MRPS28: variants seen among roughly 807,000 people sequenced by gnomAD.
The protein encoded by MRPS28 is mitochondrial ribosomal protein S28.
In MRPS28, 7 loss-of-function variants were observed where a neutral mutation model predicts 10.8. That is an observed-to-expected ratio of 0.65 (90% CI 0.37 to 1.22). The LOEUF is 1.22. MRPS28 is among the 50% of genes most tolerant of loss of function. The probability of loss-of-function intolerance (pLI) is 0.02; values close to 1 mark genes in which losing one functional copy is unlikely to be tolerated. For synonymous variants in MRPS28, 121 were observed against 93.3 expected (o/e 1.30, Z -1.71); for missense variants, 265 against 232.9 (o/e 1.14, Z -0.90).
intron 2 of MRPS28, among the ~76,000 whole-genome samples, chr8:79,949,432 C>CA (rs1166462216): frequency 1.3e-5 from 2 of 148,572 alleles, no homozygotes; most frequent in Non-Finnish European, 3.0e-5. Flanking sequence ...AAAAAAACAA[C>CA]AACAAAAAAA....
chr8:79,971,206 C>T (rs147209152), intron 2 of MRPS28, among the ~76,000 whole-genome samples: 404 of 152,184 alleles, frequency 2.7e-3, no homozygotes, highest in Non-Finnish European at 4.6e-3. Flanking sequence ...CTCTTTAAGA[C>T]CAACCAGACA....
chr8:79,998,116 T>C (rs956146692), intron 2 of MRPS28, among the ~76,000 whole-genome samples: 1 of 151,840 alleles, frequency 6.6e-6, no homozygotes, highest in Non-Finnish European at 1.5e-5. Context: ...TTGCTAAACA[T>C]ATACCTCAAC....
intron 2 of MRPS28, among the ~76,000 whole-genome samples, chr8:79,985,713 A>G (rs1316214991): frequency 1.3e-5 from 2 of 152,224 alleles, no homozygotes; most frequent in Non-Finnish European, 2.9e-5. Context: ...ACAACCTCCC[A>G]AGACTAAACC....
chr8:79,929,989 G>T (rs983391799), intron 2 of MRPS28, among the ~76,000 whole-genome samples: 1 of 152,144 alleles, frequency 6.6e-6, no homozygotes, highest in Non-Finnish European at 1.5e-5. Flanking sequence ...ACAAATTTAA[G>T]ATCTGATTAT....
At chr8:79,923,256 A>C (rs2129853811) in intron 2 of MRPS28, among the ~76,000 whole-genome samples, 1 of 152,334 alleles carries the variant, frequency 6.6e-6, no homozygotes, top group East Asian at 1.9e-4. Context: ...TACTGGCCTA[A>C]TGCCACACAG....
chr8:79,918,827 A>G lies in MRPS28; in HGVS notation c.*153T>C. On this transcript the variant is annotated 3_prime_UTR_variant, in exon 3 of 3. Transcript: ENST00000276585. Reference sequence around the variant, plus strand: ...GCAAAACAAGGGGTGGGGGGTGGGAATATTGCTAAAGAAAATTCTAATAAG... The same window carrying G: ...GCAAAACAAGGGGTGGGGGGTGGGAGTATTGCTAAAGAAAATTCTAATAAG... 2 of 433,388 alleles carry G rather than the reference A, an allele frequency of 4.6e-6. No homozygotes were observed. Among genetic ancestry groups the G allele is most frequent in the Non-Finnish European group, 7.6e-6 (2 of 263,854 alleles). 26.8% of individuals were successfully genotyped at this position (433,388 alleles called of 1,614,324 possible).
intron 1 of MRPS28, among the ~76,000 whole-genome samples, chr8:80,012,626 T>C (rs924054490): frequency 1.3e-5 from 2 of 152,102 alleles, no homozygotes; most frequent in African/African-American, 4.8e-5. Context: ...TAACTTGGAG[T>C]TGACTATTTC....
At chr8:79,959,124 C>T (rs139544781) in intron 2 of MRPS28, among the ~76,000 whole-genome samples, 3 of 152,100 alleles carry the variant, frequency 2.0e-5, no homozygotes, top group African/African-American at 4.8e-5. Context: ...ACAGGAATTA[C>T]GTTATTTTAA....
At chr8:79,964,454 A>G (rs1807453568) in intron 2 of MRPS28, among the ~76,000 whole-genome samples, 1 of 152,160 alleles carries the variant, frequency 6.6e-6, no homozygotes, top group South Asian at 2.1e-4. Flanking sequence ...AGAGCAAAGT[A>G]CAAGCTCAAT....
chr8:79,972,444 T>C (rs1019012275), intron 2 of MRPS28, among the ~76,000 whole-genome samples: 2 of 152,198 alleles, frequency 1.3e-5, no homozygotes, highest in Admixed American at 1.3e-4. Context: ...AATGCTGCTA[T>C]GAACATCTGT....
intron 2 of MRPS28, among the ~76,000 whole-genome samples, chr8:79,943,241 T>G (rs1380516781): frequency 6.6e-6 from 1 of 152,210 alleles, no homozygotes; most frequent in African/African-American, 2.4e-5. Context: ...GTACTGGCAA[T>G]GACTATGAAG....
At chr8:79,947,291 T>C (rs1416376533) in intron 2 of MRPS28, among the ~76,000 whole-genome samples, 1 of 152,238 alleles carries the variant, frequency 6.6e-6, no homozygotes, top group Non-Finnish European at 1.5e-5. Context: ...TGATCTATAG[T>C]GGCATCTTTC....
At chr8:79,938,628 C>T (rs1263292362) in intron 2 of MRPS28, among the ~76,000 whole-genome samples, 1 of 152,134 alleles carries the variant, frequency 6.6e-6, no homozygotes, top group Admixed American at 6.5e-5. Context: ...AGTATTTTCC[C>T]TCCCCTCAAA....
At chr8:79,998,324 C>T (rs1808564627) in intron 2 of MRPS28, among the ~76,000 whole-genome samples, 1 of 152,144 alleles carries the variant, frequency 6.6e-6, no homozygotes, top group Non-Finnish European at 1.5e-5. Flanking sequence ...TGATTTCTGA[C>T]TTCAAGTCAT....
intron 2 of MRPS28, among the ~76,000 whole-genome samples, chr8:79,939,401 A>G (rs1198998810): frequency 6.6e-6 from 1 of 152,098 alleles, no homozygotes; most frequent in Non-Finnish European, 1.5e-5. Flanking sequence ...TATAATATAC[A>G]TACTTCCTTG....
chr8:79,954,500 G>T (rs1383580209), intron 2 of MRPS28, among the ~76,000 whole-genome samples: 4 of 152,022 alleles, frequency 2.6e-5, no homozygotes, highest in Non-Finnish European at 5.9e-5. Context: ...GATACCCTGG[G>T]GCTTTTCTCT....
intron 2 of MRPS28, among the ~76,000 whole-genome samples, chr8:79,950,988 C>G (rs1460340159): frequency 6.6e-6 from 1 of 152,142 alleles, no homozygotes; most frequent in Non-Finnish European, 1.5e-5. Flanking sequence ...CTGGCATGCC[C>G]CATTTTATTC....
intron 1 of MRPS28, among the ~76,000 whole-genome samples, chr8:80,010,168 G>A (rs1020212756): frequency 4.6e-5 from 7 of 151,740 alleles, no homozygotes; most frequent in Non-Finnish European, 7.4e-5. Flanking sequence ...TTCCAAATCC[G>A]TGAACACAGA....
At chr8:79,975,002 AG>A (rs751607480) in intron 2 of MRPS28, among the ~76,000 whole-genome samples, 16 of 152,186 alleles carry the variant, frequency 1.1e-4, no homozygotes, top group Admixed American at 2.0e-4. Context: ...CAAATAAATA[AG>A]GCTAGGCACA....
Sources: allele counts gnomAD v4.1 joint callset (sites outside exome capture counted in the v4.1 genomes callset), GRCh38; gene constraint gnomAD v4.1.1; transcripts MANE v1.5; gene names NCBI Gene and HGNC (gene_info 2026-07-23, HGNC 2026-07-21).